Variants in MAGI2 observed in about 807,000 individuals in gnomAD.
MAGI2 encodes the protein membrane-associated guanylate kinase, WW and PDZ domain-containing protein 2.
A neutral mutation model predicts 133.3 loss-of-function variants in MAGI2; 35 were observed. The observed-to-expected ratio is 0.26, with a 90% confidence interval of 0.20 to 0.35. MAGI2 has a LOEUF of 0.35. Among genes scored for constraint, MAGI2 ranks in the 10% least tolerant of loss-of-function variants. The pLI, the probability that MAGI2 is intolerant of heterozygous loss-of-function variation, is 1.00. For missense variants in MAGI2, 1,636 were observed against 1,863.4 expected (o/e 0.88, Z 2.25); for synonymous variants, 729 against 710.6 (o/e 1.03, Z -0.41).
At chr7:78,817,352 A>G (rs573209762) in intron 2 of MAGI2, among the ~76,000 whole-genome samples, 1 of 152,364 alleles carries the variant, frequency 6.6e-6, no homozygotes, top group African/African-American at 2.4e-5. Flanking sequence ...CGACAAAGCA[A>G]TGGCAGGGTT....
In MAGI2 at chr7:79,028,277, G is replaced by GTA. The variant is rs1241170706; in HGVS notation, c.302-21073_302-21072dup. On this transcript the variant is annotated intron_variant, in intron 1 of 21. Transcript: ENST00000354212. ...TATATATATATATATATGTATGTATGTATATATATATATATGTGTGTATAT... is the reference window on the plus strand; with the variant it reads ...TATATATATATATATATGTATGTATGTATATATATATATATATGTGTGTATAT... 7.6e-3 allele frequency among the ~76,000 whole-genome samples: 230 copies of GTA among 30,104 alleles called. 5 individuals are homozygous for GTA. The highest frequency in any genetic ancestry group is 0.024 in the African/African-American group (201 of 8,340). 19.7% of individuals were successfully genotyped at this position (30,104 alleles called of 152,430 possible).
chr7:79,018,305 G>A (rs1479010425), intron 1 of MAGI2, among the ~76,000 whole-genome samples: 4 of 152,028 alleles, frequency 2.6e-5, no homozygotes, highest in African/African-American at 4.8e-5. Flanking sequence ...CTAAGCTTTC[G>A]AAGTGAAGGA....
At chr7:78,527,215 GCAAAACCTAATCCC>G (rs1797054720) in intron 3 of MAGI2, among the ~76,000 whole-genome samples, 1 of 152,088 alleles carries the variant, frequency 6.6e-6, no homozygotes, top group African/African-American at 2.4e-5. Flanking sequence ...CAAAGTCCTT[GCAAAACCTAATCCC>G]TTACCCATTT....
chr7:78,257,170 T>G (rs1793074495), intron 9 of MAGI2, among the ~76,000 whole-genome samples: 1 of 152,152 alleles, frequency 6.6e-6, no homozygotes, highest in South Asian at 2.1e-4. Flanking sequence ...GGAGCTGGGT[T>G]GACACCTTGG....
chr7:79,141,841 A>G (rs1453787932), intron 1 of MAGI2, among the ~76,000 whole-genome samples: 1 of 152,074 alleles, frequency 6.6e-6, no homozygotes, highest in Non-Finnish European at 1.5e-5. Flanking sequence ...AAGCTTCAAT[A>G]TCTAACTAGT....
intron 1 of MAGI2, among the ~76,000 whole-genome samples, chr7:79,045,169 T>A (rs1037114542): frequency 2.0e-5 from 3 of 152,162 alleles, no homozygotes; most frequent in Non-Finnish European, 4.4e-5. Context: ...TATATAAAAG[T>A]AAATGTAATC....
chr7:78,636,368 T>A (rs1442096401), intron 2 of MAGI2, among the ~76,000 whole-genome samples: 4 of 149,602 alleles, frequency 2.7e-5, no homozygotes, highest in Non-Finnish European at 5.9e-5. Flanking sequence ...TTTTTTTTTT[T>A]TGAAGAAGAA....
chr7:78,353,949 A>G (rs554136945), intron 7 of MAGI2, among the ~76,000 whole-genome samples: 53 of 152,254 alleles, frequency 3.5e-4, no homozygotes, highest in African/African-American at 1.2e-3. Context: ...AGTCTAATGG[A>G]ACTGCAGCTT....
chr7:78,382,471 T>A (rs1189278616), intron 6 of MAGI2, among the ~76,000 whole-genome samples: 4 of 152,082 alleles, frequency 2.6e-5, no homozygotes, highest in African/African-American at 9.7e-5. Context: ...TTAGAGATTC[T>A]AGGACTAGGG....
chr7:78,780,065 T>C (rs970879434), intron 2 of MAGI2, among the ~76,000 whole-genome samples: 20 of 152,214 alleles, frequency 1.3e-4, no homozygotes, highest in African/African-American at 4.8e-4. Context: ...CCATTGCAGA[T>C]AAATGTGAAC....
chr7:78,395,936 C>T (rs1796307833), intron 6 of MAGI2, among the ~76,000 whole-genome samples: 2 of 152,144 alleles, frequency 1.3e-5, no homozygotes, highest in Admixed American at 1.3e-4. Context: ...TACAAGAATG[C>T]AGACAATGTT....
intron 6 of MAGI2, among the ~76,000 whole-genome samples, chr7:78,412,378 G>A (rs1797947809): frequency 6.6e-6 from 1 of 152,042 alleles, no homozygotes; most frequent in African/African-American, 2.4e-5. Context: ...TGATCACGGT[G>A]CTTGAGGAAT....
intron 2 of MAGI2, among the ~76,000 whole-genome samples, chr7:78,906,927 G>A (rs1210746269): frequency 3.3e-5 from 5 of 150,872 alleles, no homozygotes; most frequent in African/African-American, 1.2e-4. Flanking sequence ...GAAGGGGGAG[G>A]AAAAGCTTAA....
At chr7:78,068,885 CT>C (rs1273607830) in intron 21 of MAGI2, among the ~76,000 whole-genome samples, 1 of 152,160 alleles carries the variant, frequency 6.6e-6, no homozygotes, top group African/African-American at 2.4e-5. Context: ...AACATCTTTT[CT>C]GTAATGTCTC....
intron 17 of MAGI2, 68 bp downstream of exon 17, chr7:78,134,953 G>T (rs1405444473): frequency 2.1e-6 from 3 of 1,431,110 alleles, no homozygotes; most frequent in Non-Finnish European, 2.9e-6. Flanking sequence ...TGGCGGGCAG[G>T]CTGAGAACAC....
At chr7:78,670,069 C>T (rs996128838) in intron 2 of MAGI2, among the ~76,000 whole-genome samples, 3 of 151,476 alleles carry the variant, frequency 2.0e-5, no homozygotes, top group Non-Finnish European at 2.9e-5. Flanking sequence ...AAGTTCTGGC[C>T]AGGGCAATTA....
chr7:78,575,930 A>G (rs1007869062), intron 3 of MAGI2, among the ~76,000 whole-genome samples: 5 of 152,226 alleles, frequency 3.3e-5, no homozygotes, highest in Admixed American at 6.5e-5. Flanking sequence ...TAATAATAAT[A>G]TATCAACATA....
At chr7:79,277,320 TA>T (rs959678053) in intron 1 of MAGI2, among the ~76,000 whole-genome samples, 6 of 152,146 alleles carry the variant, frequency 3.9e-5, no homozygotes, top group African/African-American at 1.4e-4. Context: ...ATTTTTTAGT[TA>T]AAATACATAC....
chr7:79,343,745 T>G (rs755639132), intron 1 of MAGI2, among the ~76,000 whole-genome samples: 1 of 152,182 alleles, frequency 6.6e-6, no homozygotes. Flanking sequence ...AATTACTTTT[T>G]AGTTTTCATT....
Sources: allele counts gnomAD v4.1 joint callset (sites outside exome capture counted in the v4.1 genomes callset), GRCh38; gene constraint gnomAD v4.1.1; transcripts MANE v1.5; gene names NCBI Gene and HGNC (gene_info 2026-07-23, HGNC 2026-07-21).